Variants in ZNF385D observed in about 807,000 individuals in gnomAD.
The protein encoded by ZNF385D is zinc finger protein 385D.
ZNF385D carries 15 observed loss-of-function variants against 35.8 expected under a neutral mutation model. That is an observed-to-expected ratio of 0.42 (90% CI 0.28 to 0.64). The LOEUF is 0.64. Among genes scored for constraint, ZNF385D ranks in the 30% least tolerant of loss-of-function variants. ZNF385D has a pLI of 0.23. For missense variants in ZNF385D, 474 were observed against 494.6 expected, an observed-to-expected ratio of 0.96 and a Z score of 0.39; for synonymous variants, 212 against 186.8, an observed-to-expected ratio of 1.13 and a Z score of -1.10.
At chr3:21,766,562 C>T (rs1029454817) in intron 3 of ZNF385D, among the ~76,000 whole-genome samples, 5 of 152,106 alleles carry the variant, frequency 3.3e-5, no homozygotes, top group Non-Finnish European at 7.4e-5. Flanking sequence ...CACTATATAT[C>T]TGCTTTAAGA....
intron 1 of ZNF385D, among the ~76,000 whole-genome samples, chr3:21,733,628 G>A (rs1202133749): frequency 1.3e-5 from 2 of 152,020 alleles, no homozygotes; most frequent in African/African-American, 4.8e-5. Flanking sequence ...TCTCTTTTGT[G>A]ATTCTGGGTT....
chr3:22,245,291 C>T (rs753627221), intron 2 of ZNF385D, among the ~76,000 whole-genome samples: 77 of 152,220 alleles, frequency 5.1e-4, no homozygotes, highest in Non-Finnish European at 9.0e-4. Flanking sequence ...CACCACCATT[C>T]TGACCTCAGC....
intron 3 of ZNF385D, among the ~76,000 whole-genome samples, chr3:21,933,459 C>A (rs1701112293): frequency 6.6e-6 from 1 of 152,112 alleles, no homozygotes. Context: ...GATACTAATA[C>A]ACAGAATTTG....
intron 2 of ZNF385D, among the ~76,000 whole-genome samples, chr3:21,625,986 C>G (rs1266574164): frequency 6.6e-6 from 1 of 151,946 alleles, no homozygotes; most frequent in Non-Finnish European, 1.5e-5. Flanking sequence ...CTTTGTATCT[C>G]CACTTAATTT....
At chr3:22,219,349 G>A (rs1191775717) in intron 2 of ZNF385D, among the ~76,000 whole-genome samples, 2 of 151,986 alleles carry the variant, frequency 1.3e-5, no homozygotes, top group Non-Finnish European at 2.9e-5. Context: ...TAATCAGGAG[G>A]ATATCATAGC....
chr3:21,760,276 C>A (rs1169480418), intron 3 of ZNF385D, among the ~76,000 whole-genome samples: 1 of 152,148 alleles, frequency 6.6e-6, no homozygotes, highest in East Asian at 1.9e-4. Flanking sequence ...TGCAGCGTTA[C>A]CCAAAGGAAC....
intron 3 of ZNF385D, among the ~76,000 whole-genome samples, chr3:21,938,706 T>G (rs538926460): frequency 1.3e-5 from 2 of 152,320 alleles, no homozygotes; most frequent in African/African-American, 4.8e-5. Context: ...GTGCTTCATG[T>G]GCACTTTCCC....
chr3:22,110,285 TG>T (rs1702445498), intron 3 of ZNF385D, among the ~76,000 whole-genome samples: 1 of 151,954 alleles, frequency 6.6e-6, no homozygotes, highest in Non-Finnish European at 1.5e-5. Context: ...ATCCCATTAC[TG>T]GGTATATACC....
chr3:21,720,506 A>G (rs2068496779), intron 1 of ZNF385D, among the ~76,000 whole-genome samples: 1 of 152,132 alleles, frequency 6.6e-6, no homozygotes, highest in South Asian at 2.1e-4. Flanking sequence ...GTGAGCTATG[A>G]CTGTGCCACT....
chr3:21,769,101 C>T (rs1371029962), intron 3 of ZNF385D, among the ~76,000 whole-genome samples: 9 of 151,910 alleles, frequency 5.9e-5, no homozygotes, highest in Non-Finnish European at 4.4e-5. Flanking sequence ...GTCAAAGGCC[C>T]TTTCTGCATC....
intron 3 of ZNF385D, among the ~76,000 whole-genome samples, chr3:21,808,051 C>G (rs2072733587): frequency 6.6e-6 from 1 of 152,064 alleles, no homozygotes. Context: ...TTACTGTTAT[C>G]ATTGCTCTGT....
intron 4 of ZNF385D, among the ~76,000 whole-genome samples, chr3:21,508,655 C>T (rs1348680990): frequency 6.6e-6 from 1 of 152,074 alleles, no homozygotes; most frequent in Non-Finnish European, 1.5e-5. Context: ...TAAGACCACC[C>T]CAACCAATGT....
intron 1 of ZNF385D, among the ~76,000 whole-genome samples, chr3:21,712,665 G>A (rs563552073): frequency 1.5e-4 from 23 of 152,196 alleles, no homozygotes; most frequent in Middle Eastern, 6.8e-3. Context: ...AATGAGAATC[G>A]TTCCTATGAA....
At position 21,674,923 on chromosome 3, in the gene ZNF385D, G is replaced by C. The variant is rs138893928; in HGVS notation, c.23-9895C>G. On this transcript the variant is annotated intron_variant, in intron 1 of 7. Transcript: ENST00000281523. ...GGATGGATGGATGGATGGATGGATG[G>C]ATGGATGGATGCATGGATGGATGGA... is the stretch of plus-strand genomic sequence containing the variant. Among the ~76,000 whole-genome samples, 487 of 150,684 alleles carry C rather than the reference G, an allele frequency of 3.2e-3. 2 individuals are homozygous for C. The highest frequency in any genetic ancestry group is 0.011 in the African/African-American group (468 of 40,802).
At chr3:21,769,020 A>G (rs2070959173) in intron 3 of ZNF385D, among the ~76,000 whole-genome samples, 1 of 152,038 alleles carries the variant, frequency 6.6e-6, no homozygotes, top group South Asian at 2.1e-4. Context: ...AATAGCTCTT[A>G]TTATTTTTAG....
intron 3 of ZNF385D, among the ~76,000 whole-genome samples, chr3:22,157,695 T>C (rs1244589809): frequency 2.6e-5 from 4 of 152,164 alleles, no homozygotes; most frequent in African/African-American, 7.2e-5. Flanking sequence ...TGAAATAAAA[T>C]CTTGAAGTAA....
chr3:22,130,428 T>C lies in ZNF385D; in HGVS notation c.325+38389A>G, dbSNP rs115981742. Among the ~76,000 whole-genome samples the C allele has an allele frequency of 2.4e-3, 373 of 152,272 alleles. 1 individual carries two copies. Among genetic ancestry groups the C allele is most frequent in the African/African-American group, 8.3e-3 (346 of 41,570 alleles). ...CCTTTCAAGTTTATTTAGAAACCCA[T>C]TGTGCTTTAGCCCACTGTGATGGGT... On this transcript the variant is annotated intron_variant, in intron 3 of 5. Coordinates refer to the ZNF385D transcript ENST00000494108.
chr3:22,135,401 T>A (rs1704045040), intron 3 of ZNF385D, among the ~76,000 whole-genome samples: 1 of 152,096 alleles, frequency 6.6e-6, no homozygotes, highest in African/African-American at 2.4e-5. Context: ...ACATTTAAAA[T>A]ACAATTTATA....
At chr3:21,626,753 T>C (rs1007343594) in intron 2 of ZNF385D, among the ~76,000 whole-genome samples, 10 of 152,024 alleles carry the variant, frequency 6.6e-5, no homozygotes, top group South Asian at 4.2e-4. Context: ...TGGATGAAAA[T>C]GCTAGAAAAC....
Sources: gnomAD v4.1 joint callset for allele counts (sites outside exome capture counted in the v4.1 genomes callset) on GRCh38, gnomAD v4.1.1 for gene constraint, MANE v1.5 for transcripts, NCBI Gene and HGNC (gene_info 2026-07-23, HGNC 2026-07-21) for gene names.